The following POTEJ variants were observed in gnomAD, a reference collection of about 807,000 sequenced individuals.
The protein encoded by POTEJ is POTE ankyrin domain family member J.
Under a neutral mutation model 69.0 loss-of-function variants are expected in POTEJ, and 11 were observed. The ratio of observed to expected loss-of-function variants is 0.16; its 90% confidence interval spans 0.10 to 0.26. POTEJ has a LOEUF of 0.26. Among genes scored for constraint, POTEJ ranks in the 10% least tolerant of loss-of-function variants. The pLI is 1.00. For missense variants in POTEJ, 327 were observed against 1,045.5 expected, an observed-to-expected ratio of 0.31 and a Z score of 9.48; for synonymous variants, 117 against 381.1, an observed-to-expected ratio of 0.31 and a Z score of 8.07.
intron 9 of POTEJ, among the ~76,000 whole-genome samples, chr2:130,637,753 A>G (rs1394485782): frequency 5.9e-5 from 9 of 152,276 alleles, no homozygotes; most frequent in Non-Finnish European, 1.2e-4. Flanking sequence ...AAATAAAAGT[A>G]GGGTTTTCAT....
At chr2:130,612,611 A>C (rs1367057828) in intron 1 of POTEJ, among the ~76,000 whole-genome samples, 1 of 150,092 alleles carries the variant, frequency 6.7e-6, no homozygotes, top group African/African-American at 2.4e-5. Flanking sequence ...ATTATAAAAA[A>C]AATTAGCCGG....
intron 6 of POTEJ, among the ~76,000 whole-genome samples, chr2:130,624,930 T>G (rs1314535876): frequency 2.6e-5 from 4 of 152,096 alleles, no homozygotes; most frequent in Non-Finnish European, 5.9e-5. Context: ...CAAGATGCTC[T>G]GCTACCATTT....
chr2:130,612,495 G>A lies in POTEJ; in HGVS notation c.410+553G>A, dbSNP rs1271600390. Among the ~76,000 whole-genome samples the A allele has an allele frequency of 3.3e-5, 5 of 152,394 alleles. No homozygotes were observed. In the South Asian group the frequency reaches 6.2e-4, roughly 19 times the overall value. On this transcript the variant is annotated intron_variant, in intron 1 of 14. Transcript: ENST00000409602. ...AGATGTGAGCTTTTTGGCTGGGCGC[G>A]GTGGCTCATGCCTGTAATCCCAGCA...
At chr2:130,646,821 G>A (rs1333848342) in intron 13 of POTEJ, among the ~76,000 whole-genome samples, 1 of 146,848 alleles carries the variant, frequency 6.8e-6, no homozygotes, top group Non-Finnish European at 1.5e-5. Flanking sequence ...TCCTGCATGA[G>A]TTTTCTTAGG....
At chr2:130,626,684 C>A (rs544715443) in intron 6 of POTEJ, among the ~76,000 whole-genome samples, 1 of 152,288 alleles carries the variant, frequency 6.6e-6, no homozygotes, top group South Asian at 2.1e-4. Context: ...AACCAGGAGA[C>A]AAAGGAAGTT....
intron 10 of POTEJ, among the ~76,000 whole-genome samples, chr2:130,640,753 A>G (rs867053155): frequency 6.6e-6 from 1 of 152,124 alleles, no homozygotes; most frequent in Non-Finnish European, 1.5e-5. Context: ...GGCACTGGGA[A>G]GGTAAATACC....
chr2:130,636,087 G>A (rs1192270479), intron 9 of POTEJ, among the ~76,000 whole-genome samples: 1 of 144,890 alleles, frequency 6.9e-6, no homozygotes, highest in Non-Finnish European at 1.5e-5. Flanking sequence ...TCTACCCCTA[G>A]TGCTTAAAGA....
At chr2:130,639,916 G>A (rs1437952378) in intron 10 of POTEJ, among the ~76,000 whole-genome samples, 7 of 152,246 alleles carry the variant, frequency 4.6e-5, no homozygotes, top group African/African-American at 1.7e-4. Flanking sequence ...AACACAGACA[G>A]GAGCTTGTTA....
chr2:130,655,922 T>A (rs1267125319), intron 14 of POTEJ, among the ~76,000 whole-genome samples: 9 of 138,172 alleles, frequency 6.5e-5, no homozygotes, highest in African/African-American at 1.1e-4. Context: ...TATGTAGAAG[T>A]GGAATGCCTA....
At chr2:130,615,711 C>T (rs1558916767) in intron 1 of POTEJ, among the ~76,000 whole-genome samples, 3 of 148,854 alleles carry the variant, frequency 2.0e-5, no homozygotes, top group Admixed American at 6.6e-5. Context: ...CCTTGGTGCA[C>T]ATTTACCTAT....
chr2:130,636,414 C>T (rs539006857), intron 9 of POTEJ, among the ~76,000 whole-genome samples: 2,871 of 144,850 alleles, frequency 0.02, 286 homozygotes, highest in Middle Eastern at 0.087. Flanking sequence ...TTGACATCAA[C>T]GCTGTTAACC....
At chr2:130,637,726 G>A (rs1346521265) in intron 9 of POTEJ, among the ~76,000 whole-genome samples, 7 of 152,222 alleles carry the variant, frequency 4.6e-5, no homozygotes, top group Non-Finnish European at 8.8e-5. Flanking sequence ...CAACTTCTTC[G>A]TGGAACCTAA....
intron 13 of POTEJ, among the ~76,000 whole-genome samples, chr2:130,647,040 A>G (rs1376080553): frequency 6.7e-6 from 1 of 150,356 alleles, no homozygotes; most frequent in Non-Finnish European, 1.5e-5. Flanking sequence ...GACATTTATT[A>G]TAGTATTATT....
At chr2:130,612,377 C>T (rs539405574) in intron 1 of POTEJ, among the ~76,000 whole-genome samples, 1 of 148,694 alleles carries the variant, frequency 6.7e-6, no homozygotes, top group Non-Finnish European at 1.5e-5. Context: ...TCAATGTACC[C>T]TATGTAAATA....
intron 7 of POTEJ, among the ~76,000 whole-genome samples, chr2:130,630,908 C>T (rs1157143977): frequency 7.7e-5 from 11 of 143,442 alleles, no homozygotes; most frequent in Middle Eastern, 3.6e-3. Context: ...GTGTTGATTT[C>T]GGCTCCTAAT....
Position 130,657,074 on chromosome 2 carries a change from C to T in POTEJ, c.2314C>T (p.Pro772Ser), listed in dbSNP as rs753442002. 1 of 1,580,744 alleles carries T rather than the reference C, an allele frequency of 6.3e-7. No individual in the cohort carries two copies. Among genetic ancestry groups the T allele is most frequent in the East Asian group, 2.2e-5 (1 of 44,870 alleles). The change falls in exon 15 of 15, where the codon CCC becomes TCC. Residue 772 changes from proline to serine, a missense_variant. Coordinates refer to ENST00000409602, the MANE Select transcript of POTEJ (RefSeq NM_001277083.2). ...EEHPILLTEA[P>S]LNPKANREKM... Reference sequence around the variant, plus strand: ...GCACCCCATCCTGCTGACCGAGGCCCCCCTGAACCCCAAGGCCAACCGCGA... The same window carrying T: ...GCACCCCATCCTGCTGACCGAGGCCTCCCTGAACCCCAAGGCCAACCGCGA...
In POTEJ at chr2:130,643,518, TA is replaced by T. The variant is rs200363139; in HGVS notation, c.1370-452del. Reference sequence around the variant, plus strand: ...GTGACAGAGGAAGACCCTGACTCATTAAAAAAAAAAAAAGAAAAAAAGAAAA... The same window carrying T: ...GTGACAGAGGAAGACCCTGACTCATTAAAAAAAAAAAAGAAAAAAAGAAAA... On this transcript the variant is annotated intron_variant, in intron 10 of 14. Coordinates refer to ENST00000409602, the MANE Select transcript of POTEJ (RefSeq NM_001277083.2). Among the ~76,000 whole-genome samples the T allele has an allele frequency of 8.2e-3, 1,018 of 123,450 alleles. 53 individuals are homozygous for T. Among genetic ancestry groups the T allele is most frequent in the African/African-American group, 0.02 (666 of 33,242 alleles). 81.0% of individuals were successfully genotyped at this position (123,450 alleles called of 152,430 possible).
At chr2:130,624,555 A>G (rs1184571870) in intron 6 of POTEJ, among the ~76,000 whole-genome samples, 10 of 152,160 alleles carry the variant, frequency 6.6e-5, no homozygotes, top group African/African-American at 2.2e-4. Context: ...AGGCGGTAAT[A>G]TGAGCCATAG....
intron 9 of POTEJ, among the ~76,000 whole-genome samples, chr2:130,636,949 T>C (rs1686114975): frequency 6.8e-6 from 1 of 146,588 alleles, no homozygotes; most frequent in South Asian, 2.1e-4. Flanking sequence ...TGTGGTGGCA[T>C]GCGCCTGTAG....
Sources: gnomAD v4.1 joint callset for allele counts (sites outside exome capture counted in the v4.1 genomes callset) on GRCh38, gnomAD v4.1.1 for gene constraint, MANE v1.5 for transcripts, NCBI Gene and HGNC (gene_info 2026-07-23, HGNC 2026-07-21) for gene names.